The following FAM227B variants were observed in gnomAD, a reference collection of about 807,000 sequenced individuals.
FAM227B encodes protein FAM227B.
A neutral mutation model predicts 73.8 loss-of-function variants in FAM227B; 88 were observed. The ratio of observed to expected loss-of-function variants is 1.19; its 90% confidence interval spans 1.00 to 1.42. FAM227B has a LOEUF of 1.42. FAM227B is among the 40% of genes most tolerant of loss of function. The pLI is 0.00. For missense variants in FAM227B, 632 were observed against 590.9 expected (o/e 1.07, Z -0.72); for synonymous variants, 210 against 190.5 (o/e 1.10, Z -0.84).
chr15:49,485,703 C>T (rs12440028), intron 11 of FAM227B: 33,252 of 152,378 alleles, frequency 0.22, 4,449 homozygotes, highest in East Asian at 0.38. Context: ...AAAAATCTTT[C>T]ACCACATATT....
At chr15:49,328,782 T>G in intron 15 of FAM227B, 107 bp from the exon 16 acceptor site, 1 of 1,427,160 alleles carries the variant, frequency 7.0e-7, no homozygotes, top group Admixed American at 2.8e-5. Context: ...GGATTTTTTT[T>G]TTTTTTTGAC....
At chr15:49,385,375 AT>A (rs2151542893) in intron 11 of FAM227B, among the ~76,000 whole-genome samples, 1 of 152,046 alleles carries the variant, frequency 6.6e-6, no homozygotes, top group African/African-American at 2.4e-5. Context: ...CTCAAACATA[AT>A]TTGGAGATTA....
chr15:49,500,486 C>T (rs1024842522), intron 11 of FAM227B, among the ~76,000 whole-genome samples: 4 of 151,984 alleles, frequency 2.6e-5, no homozygotes, highest in African/African-American at 9.7e-5. Context: ...ACATGGATGG[C>T]AAATAAGCAC....
chr15:49,484,133 T>C (rs2056194383), intron 11 of FAM227B, among the ~76,000 whole-genome samples: 1 of 152,088 alleles, frequency 6.6e-6, no homozygotes, highest in South Asian at 2.1e-4. Flanking sequence ...GATACCTTTT[T>C]ATGCAAATAT....
chr15:49,582,629 A>G (rs967801042), intron 5 of FAM227B, among the ~76,000 whole-genome samples: 1 of 152,186 alleles, frequency 6.6e-6, no homozygotes, highest in African/African-American at 2.4e-5. Flanking sequence ...GGTCAAACGG[A>G]CCTGGCAGAC....
intron 2 of FAM227B, among the ~76,000 whole-genome samples, chr15:49,613,577 T>C (rs1253732752): frequency 6.6e-6 from 1 of 152,136 alleles, no homozygotes; most frequent in Non-Finnish European, 1.5e-5. Context: ...TGGCTAACTA[T>C]AGTCAACAAT....
chr15:49,413,747 G>T (rs924060963), intron 11 of FAM227B, among the ~76,000 whole-genome samples: 1 of 151,750 alleles, frequency 6.6e-6, no homozygotes, highest in African/African-American at 2.4e-5. Context: ...CATTGGTCTC[G>T]TGTTGCCCAA....
chr15:49,358,564 A>T (rs904355963), intron 13 of FAM227B, among the ~76,000 whole-genome samples: 72 of 149,554 alleles, frequency 4.8e-4, no homozygotes, highest in African/African-American at 1.7e-3. Context: ...AGAACTACAA[A>T]CCACTGCTCA....
At chr15:49,615,290 A>G in intron 1 of FAM227B, 47 bp from the exon 2 acceptor site, 2 of 836,356 alleles carry the variant, frequency 2.4e-6, no homozygotes, top group South Asian at 2.7e-5. Context: ...GACTCAGCCA[A>G]ACAATCCCTT....
At chr15:49,452,292 A>G (rs1307103756) in intron 11 of FAM227B, among the ~76,000 whole-genome samples, 1 of 152,138 alleles carries the variant, frequency 6.6e-6, no homozygotes, top group East Asian at 1.9e-4. Context: ...ACCTCAAGTT[A>G]TCTGCCTGCC....
chr15:49,567,797 A>G (rs572006605), intron 9 of FAM227B, among the ~76,000 whole-genome samples: 1 of 152,222 alleles, frequency 6.6e-6, no homozygotes, highest in African/African-American at 2.4e-5. Flanking sequence ...ATAACAGAAA[A>G]GCACAGCAAG....
rs150531376 is a variant in FAM227B, at chr15:49,588,042, T to C, written c.379A>G (p.Lys127Glu). ...KLERYGEFLK[K>E]YHKKKKIMLS... The stretch of plus-strand genomic sequence containing the variant: ...ATTATCTTTTTTTTCTTATGGTACT[T>C]CTTTAGAAATTCCCCATATCGTTCC... Residue 127 changes from lysine to glutamate, a missense_variant, in exon 5 of 16, where the codon AAG becomes GAG. Lys to Glu is a moderately conservative substitution (Grantham distance 56, BLOSUM62 1). Coordinates refer to ENST00000299338, the MANE Select transcript of FAM227B (RefSeq NM_152647.3). 1.2e-5 allele frequency: 17 copies of C among 1,443,852 alleles called. No homozygotes were observed. In the African/African-American group the frequency reaches 2.0e-4, roughly 17 times the overall value. The allele number at this position is 1,443,852 out of a possible 1,614,324, so 89.4% of individuals were successfully genotyped here. A position where few individuals can be genotyped will look rare whatever the true frequency, so the allele number is the denominator to read the frequency against.
At chr15:49,501,951 G>T (rs1020032394) in intron 11 of FAM227B, among the ~76,000 whole-genome samples, 1 of 152,206 alleles carries the variant, frequency 6.6e-6, no homozygotes, top group Non-Finnish European at 1.5e-5. Context: ...GGTACAGCTT[G>T]AGCTGCCACT....
intron 11 of FAM227B, among the ~76,000 whole-genome samples, chr15:49,465,812 A>G (rs1175218471): frequency 6.6e-6 from 1 of 152,206 alleles, no homozygotes; most frequent in East Asian, 1.9e-4. Flanking sequence ...GACATTTAGT[A>G]TGATTAGAAA....
intron 9 of FAM227B, among the ~76,000 whole-genome samples, chr15:49,547,911 G>T (rs964891691): frequency 2.6e-5 from 4 of 152,134 alleles, no homozygotes; most frequent in Non-Finnish European, 5.9e-5. Context: ...CACCAAACAG[G>T]TCATCAAGAT....
chr15:49,413,799 G>T (rs1163250449), intron 11 of FAM227B, among the ~76,000 whole-genome samples: 1 of 150,622 alleles, frequency 6.6e-6, no homozygotes, highest in Non-Finnish European at 1.5e-5. Context: ...CTATCTTTTG[G>T]TTTCTAGAAC....
At chr15:49,416,151 AC>A (rs1271864699) in intron 11 of FAM227B, among the ~76,000 whole-genome samples, 5 of 70,146 alleles carry the variant, frequency 7.1e-5, no homozygotes, top group Non-Finnish European at 1.0e-4. Context: ...CCCACCCCCC[AC>A]CCCCCACCAA....
In FAM227B at chr15:49,327,630, G is replaced by A; in HGVS notation, c.*938C>T. On this transcript the variant is annotated 3_prime_UTR_variant, in exon 16 of 16. Coordinates refer to ENST00000299338, the MANE Select transcript of FAM227B (RefSeq NM_152647.3). The stretch of plus-strand genomic sequence containing the variant: ...CGCCTCCTTCCTGATTTACGTGTAA[G>A]CTTGCTATACAACTCTTCAAGTGGC... 5.4e-6 allele frequency: 1 copy of A among 186,356 alleles called. No individual in the cohort carries two copies. Among genetic ancestry groups the A allele is most frequent in the Non-Finnish European group, 1.1e-5 (1 of 90,820 alleles). The allele number at this position is 186,356 out of a possible 1,614,324, so 11.5% of individuals were successfully genotyped here.
At chr15:49,332,363 AG>A (rs527695644) in intron 14 of FAM227B, among the ~76,000 whole-genome samples, 9 of 152,206 alleles carry the variant, frequency 5.9e-5, no homozygotes, top group Non-Finnish European at 8.8e-5. Flanking sequence ...AAAGAAAGAG[AG>A]GGAGATGGAA....
Sources: gnomAD v4.1 joint callset for allele counts (sites outside exome capture counted in the v4.1 genomes callset) on GRCh38, gnomAD v4.1.1 for gene constraint, MANE v1.5 for transcripts, NCBI Gene and HGNC (gene_info 2026-07-23, HGNC 2026-07-21) for gene names.